Variants in CLUL1 observed in about 807,000 individuals in gnomAD.
The protein encoded by CLUL1 is clusterin-like protein 1.
Under a neutral mutation model 49.4 loss-of-function variants are expected in CLUL1, and 43 were observed. The ratio of observed to expected loss-of-function variants is 0.87; its 90% CI spans 0.68 to 1.12. CLUL1 has a LOEUF of 1.12. Ranked by LOEUF, CLUL1 falls within the 50% of genes most tolerant of loss-of-function variation. CLUL1 has a pLI of 0.00. For missense variants in CLUL1, 486 were observed against 544.4 expected, an observed-to-expected ratio of 0.89 and a Z score of 1.07; for synonymous variants, 192 against 184.9, an observed-to-expected ratio of 1.04 and a Z score of -0.31.
intron 7 of CLUL1, among the ~76,000 whole-genome samples, chr18:634,947 C>T (rs1049540027): frequency 1.3e-5 from 2 of 152,168 alleles, no homozygotes; most frequent in East Asian, 1.9e-4. Flanking sequence ...TGCATTTTAT[C>T]TCACTAAAGC....
At chr18:602,644 A>C (rs994978994) in intron 1 of CLUL1, among the ~76,000 whole-genome samples, 2 of 152,196 alleles carry the variant, frequency 1.3e-5, no homozygotes, top group Non-Finnish European at 2.9e-5. Context: ...AAATTATTGA[A>C]ATAGAGGAAG....
chr18:649,207 G>A (rs898561045), intron 9 of CLUL1, among the ~76,000 whole-genome samples: 5 of 152,160 alleles, frequency 3.3e-5, no homozygotes, highest in African/African-American at 1.2e-4. Context: ...ACCAGGAAAA[G>A]ATGGTAGAAA....
intron 5 of CLUL1, among the ~76,000 whole-genome samples, chr18:625,922 C>G (rs1043536417): frequency 2.6e-5 from 4 of 152,174 alleles, no homozygotes; most frequent in Non-Finnish European, 5.9e-5. Context: ...CTACTGTCGC[C>G]TGCTAATACA....
intron 2 of CLUL1, among the ~76,000 whole-genome samples, chr18:609,359 T>C (rs1019951603): frequency 6.6e-6 from 1 of 152,130 alleles, no homozygotes; most frequent in Non-Finnish European, 1.5e-5. Flanking sequence ...AAATATGACA[T>C]ATATATCTGG....
At chr18:640,751 T>C (rs2074320740) in intron 7 of CLUL1, among the ~76,000 whole-genome samples, 1 of 152,232 alleles carries the variant, frequency 6.6e-6, no homozygotes, top group South Asian at 2.1e-4. Context: ...TTCAATCAGC[T>C]TTGATTTACT....
chr18:620,510 A>G (rs943775751), intron 4 of CLUL1, among the ~76,000 whole-genome samples: 2 of 152,326 alleles, frequency 1.3e-5, no homozygotes, highest in Middle Eastern at 3.4e-3. Context: ...GAACAGAGCA[A>G]GGGAACTATA....
chr18:626,911 G>GAA (rs376252345), intron 5 of CLUL1, among the ~76,000 whole-genome samples, 186 bp from the exon 6 acceptor site: 1 of 1,396 alleles, frequency 7.2e-4, no homozygotes, highest in African/African-American at 7.7e-4. Context: ...AAGAAAGAAA[G>GAA]AAAGAAAGAA....
chr18:649,950 TG>T lies in CLUL1; in HGVS notation c.*52del. 1 of 1,218,668 alleles carries T rather than the reference TG, an allele frequency of 8.2e-7. No individual in the cohort carries two copies. The allele number at this position is 1,218,668 out of a possible 1,614,324, so 75.5% of individuals were successfully genotyped here. On this transcript the variant is annotated 3_prime_UTR_variant, in exon 10 of 10. Coordinates refer to ENST00000692774, the MANE Select transcript of CLUL1 (RefSeq NM_001393344.1). ...CAGTAAGTAGAATTATCTCTTCATC[TG>T]GGACCTGGAAATCCTGAAATAAAAA...
Position 649,940 on chromosome 18 carries a change from T to G in CLUL1, c.*39T>G. 7.7e-7 allele frequency: 1 copy of G among 1,290,562 alleles called. No homozygotes were observed. Among genetic ancestry groups the G allele is most frequent in the Non-Finnish European group, 1.1e-6 (1 of 909,734 alleles). 79.9% of individuals were successfully genotyped at this position (1,290,562 alleles called of 1,614,324 possible). A position where few individuals can be genotyped will look rare whatever the true frequency, so the allele number is the denominator to read the frequency against. On this transcript the variant is annotated 3_prime_UTR_variant, in exon 10 of 10. Coordinates refer to ENST00000692774, the MANE Select transcript of CLUL1 (RefSeq NM_001393344.1). ...ATCCTATATCCAGTAAGTAGAATTA[T>G]CTCTTCATCTGGGACCTGGAAATCC... is the stretch of plus-strand genomic sequence containing the variant.
chr18:630,489 G>A (rs1387565683), intron 6 of CLUL1, among the ~76,000 whole-genome samples: 1 of 152,082 alleles, frequency 6.6e-6, no homozygotes, highest in African/African-American at 2.4e-5. Flanking sequence ...AAAAGTGGAA[G>A]AAGGAGGCAG....
intron 1 of CLUL1, 90 bp downstream of exon 1, chr18:597,219 G>C (rs1360959066): frequency 6.5e-6 from 1 of 152,820 alleles, no homozygotes; most frequent in African/African-American, 2.4e-5. Flanking sequence ...CCAAGTCCAA[G>C]GCCGAGCTCC....
At chr18:617,048 C>A (rs1382025499) in intron 2 of CLUL1, among the ~76,000 whole-genome samples, 1 of 152,122 alleles carries the variant, frequency 6.6e-6, no homozygotes. Flanking sequence ...TTAAAGCATA[C>A]GACTATTCTA....
In CLUL1 at chr18:633,384, TG is replaced by T; in HGVS notation, c.944del (p.Cys315PhefsTer29). 1 of 1,613,902 alleles carries T rather than the reference TG, an allele frequency of 6.2e-7. No individual in the cohort carries two copies. ...CGELDQNLSR[C>X]FKFHEKCQKC... ...GGAACTTGACCAGAATTTGTCAAGA[TG>T]TTTCAAATTTCATGAAAAATGCCAA... is the stretch of plus-strand genomic sequence containing the variant. On this transcript the variant is annotated frameshift_variant, in exon 7 of 10. Transcript: ENST00000692774. LOFTEE classifies it high-confidence loss of function.
chr18:603,891 A>T (rs1179243791), intron 1 of CLUL1, among the ~76,000 whole-genome samples: 3 of 152,118 alleles, frequency 2.0e-5, no homozygotes, highest in Non-Finnish European at 2.9e-5. Context: ...TGGGATTGGT[A>T]ACAGAGCAAG....
intron 2 of CLUL1, among the ~76,000 whole-genome samples, chr18:608,258 C>T (rs564599578): frequency 6.2e-4 from 95 of 152,250 alleles, no homozygotes; most frequent in Admixed American, 1.6e-3. Flanking sequence ...AAGGCAACCA[C>T]GGTCCCCGCT....
At chr18:636,087 A>G (rs1239796131) in intron 7 of CLUL1, among the ~76,000 whole-genome samples, 2 of 152,172 alleles carry the variant, frequency 1.3e-5, no homozygotes, top group Non-Finnish European at 1.5e-5. Flanking sequence ...ATTGGCTTTT[A>G]AAGTATCATT....
intron 1 of CLUL1, among the ~76,000 whole-genome samples, chr18:601,887 A>G (rs1171385349): frequency 6.6e-6 from 1 of 152,142 alleles, no homozygotes; most frequent in Non-Finnish European, 1.5e-5. Context: ...AAAAGTATAA[A>G]AAAGTCTTGT....
At chr18:638,559 T>A (rs1035410705) in intron 7 of CLUL1, among the ~76,000 whole-genome samples, 3 of 152,146 alleles carry the variant, frequency 2.0e-5, no homozygotes, top group African/African-American at 4.8e-5. Context: ...TATAAATATA[T>A]AAAGAATGAT....
In CLUL1 at chr18:627,448, A is replaced by G; in HGVS notation, c.775A>G (p.Ser259Gly). 1 of 1,613,890 alleles carries G rather than the reference A, an allele frequency of 6.2e-7. No homozygotes were observed. The highest frequency in any genetic ancestry group is 8.5e-7 in the Non-Finnish European group (1 of 1,179,770). ...CTTCTTCCAGCTGTTTTGTAATTTC[A>G]GTGTCTCTATTTATGAAAGTGTCAG... Reference protein sequence around the residue: ...PNFFQLFCNFSVSIYESVSET... With the variant: ...PNFFQLFCNFGVSIYESVSET... Residue 259 changes from serine to glycine, a missense_variant, in exon 6 of 10, where the codon AGT (serine) becomes GGT (glycine). Transcript: ENST00000692774.
Sources: allele counts gnomAD v4.1 joint callset (sites outside exome capture counted in the v4.1 genomes callset), GRCh38; gene constraint gnomAD v4.1.1; transcripts MANE v1.5; gene names NCBI Gene and HGNC (gene_info 2026-07-23, HGNC 2026-07-21).